SUN1: variants seen among roughly 807,000 people sequenced by gnomAD.
The protein encoded by SUN1 is SUN domain-containing protein 1.
A neutral mutation model predicts 103.2 loss-of-function variants in SUN1; 61 were observed. The ratio of observed to expected loss-of-function variants is 0.59; its 90% confidence interval spans 0.48 to 0.73. The LOEUF is 0.73. Among genes scored for constraint, SUN1 ranks in the 30% least tolerant of loss-of-function variants. SUN1 has a pLI of 0.00. For missense variants in SUN1, 1,052 were observed against 1,034.6 expected (o/e 1.02, Z -0.23); for synonymous variants, 490 against 425.7 (o/e 1.15, Z -1.86).
chr7:843,806 A>G, intron 5 of SUN1: 2 of 1,417,272 alleles, frequency 1.4e-6, no homozygotes, highest in Non-Finnish European at 1.8e-6. Context: ...AACTACAGTC[A>G]CTTTCAGATG....
chr7:851,921 C>G, intron 6 of SUN1, 29 bp from the exon 7 acceptor site: 1 of 1,606,796 alleles, frequency 6.2e-7, no homozygotes. Flanking sequence ...AAAACATTTC[C>G]TTAGAATGTT....
upstream of SUN1, among the ~76,000 whole-genome samples, chr7:831,706 T>A (rs1340828095): frequency 6.6e-6 from 1 of 152,262 alleles, no homozygotes; most frequent in Non-Finnish European, 1.5e-5. Context: ...TAAAGTACTT[T>A]TGGCTTGGTT....
chr7:860,250 G>A lies in SUN1; in HGVS notation c.1647G>A (p.Thr549=), dbSNP rs369056112. The A allele has an allele frequency of 2.9e-5, 47 of 1,614,266 alleles. No individual in the cohort carries two copies. The African/African-American group carries it at 3.9e-4, about 13-fold the overall frequency. ...TTGTGAGCAAAGGCGACTTGCAGAC[G>A]ATGCTGCGAGACCTGCAGCTGCAGA... The part of the protein sequence containing the change: ...SQFVSKGDLQ[T]MLRDLQLQIL... The change falls in exon 14 of 19, where the codon ACG becomes ACA. Residue 549 remains threonine (T), a synonymous_variant. Coordinates refer to ENST00000401592, the MANE Select transcript of SUN1 (RefSeq NM_001130965.3).
chr7:829,080 G>A (rs1027529397), upstream of SUN1, among the ~76,000 whole-genome samples: 4 of 152,374 alleles, frequency 2.6e-5, no homozygotes, highest in South Asian at 6.2e-4. Context: ...GGAGCATCAC[G>A]CCTGCAGACC....
chr7:826,370 G>A (rs937934472), intron 1 of SUN1, among the ~76,000 whole-genome samples: 2 of 152,158 alleles, frequency 1.3e-5, no homozygotes, highest in African/African-American at 2.4e-5. Flanking sequence ...GTGTGTGTGC[G>A]CCTGTGTGCT....
rs542540924 is a variant in SUN1, at chr7:858,555, A to G, written c.1524+598A>G. On this transcript the variant is annotated intron_variant, in intron 13 of 18. Coordinates refer to ENST00000401592, the MANE Select transcript of SUN1 (RefSeq NM_001130965.3). ...GGTGTGCGTGCAGCCCAGGGCCAGCACTGACTTGGGGCTGGGTTGTTGCTG... is the reference window on the plus strand; with the variant it reads ...GGTGTGCGTGCAGCCCAGGGCCAGCGCTGACTTGGGGCTGGGTTGTTGCTG... Among the ~76,000 whole-genome samples the G allele has an allele frequency of 1.2e-4, 18 of 152,326 alleles. No individual in the cohort carries two copies. The South Asian group carries it at 3.3e-3, about 28-fold the overall frequency.
intron 13 of SUN1, among the ~76,000 whole-genome samples, chr7:859,228 C>A (rs896703030): frequency 1.3e-5 from 2 of 151,970 alleles, no homozygotes; most frequent in Admixed American, 1.3e-4. Context: ...ATGGGACTTG[C>A]AGATTACAGC....
At chr7:849,314 G>A (rs1269227173) in intron 5 of SUN1, among the ~76,000 whole-genome samples, 1 of 152,246 alleles carries the variant, frequency 6.6e-6, no homozygotes, top group Non-Finnish European at 1.5e-5. Flanking sequence ...GATTCAGCCA[G>A]AGGGTGGGGG....
upstream of SUN1, among the ~76,000 whole-genome samples, chr7:830,523 T>G (rs1346824541): frequency 6.6e-6 from 1 of 152,172 alleles, no homozygotes; most frequent in East Asian, 1.9e-4. Context: ...TTCACGTGAT[T>G]ATGAAAGTGA....
chr7:833,722 A>C (rs773136636), intron 1 of SUN1, among the ~76,000 whole-genome samples: 1 of 152,222 alleles, frequency 6.6e-6, no homozygotes, highest in Non-Finnish European at 1.5e-5. Context: ...ACATTCGATG[A>C]TCGAGTTTTT....
At chr7:867,344 C>T (rs1837826561) in intron 16 of SUN1, among the ~76,000 whole-genome samples, 1 of 152,278 alleles carries the variant, frequency 6.6e-6, no homozygotes, top group Non-Finnish European at 1.5e-5. Flanking sequence ...GTGCCACCGG[C>T]ACAGTCTGTG....
At chr7:828,353 C>G (rs1408935693), upstream of SUN1, among the ~76,000 whole-genome samples, 2 of 151,776 alleles carry the variant, frequency 1.3e-5, no homozygotes, top group African/African-American at 2.4e-5. Flanking sequence ...CTCACTGCAA[C>G]CTCCATCTCC....
intron 1 of SUN1, among the ~76,000 whole-genome samples, chr7:823,139 C>T (rs1018559550): frequency 2.0e-5 from 3 of 152,240 alleles, no homozygotes; most frequent in Non-Finnish European, 2.9e-5. Flanking sequence ...GCGTGGAGAG[C>T]GCCCCCTTCC....
upstream of SUN1, chr7:816,418 C>T (rs1474811464): frequency 5.5e-6 from 1 of 181,930 alleles, no homozygotes; most frequent in African/African-American, 2.7e-5. Flanking sequence ...CACCCCGTGA[C>T]GCATCCAGGC....
intron 1 of SUN1, among the ~76,000 whole-genome samples, chr7:827,262 TC>T (rs917893310): frequency 3.3e-5 from 5 of 152,034 alleles, no homozygotes; most frequent in African/African-American, 1.2e-4. Context: ...CCTCAAGTGA[TC>T]CTCCTGCCCG....
At chr7:872,215 C>T (rs1842240851) in intron 17 of SUN1, among the ~76,000 whole-genome samples, 1 of 152,134 alleles carries the variant, frequency 6.6e-6, no homozygotes, top group Non-Finnish European at 1.5e-5. Context: ...CCTGTTTTGG[C>T]CTCAGTTTTC....
chr7:852,857 G>A lies in SUN1; in HGVS notation c.958G>A (p.Val320Met), dbSNP rs555876242. 55 of 1,613,978 alleles carry A rather than the reference G, an allele frequency of 3.4e-5. No homozygotes were observed. The highest frequency in any genetic ancestry group is 5.3e-5 in the African/African-American group (4 of 75,032). Reference sequence around the variant, plus strand: ...GGGCAATTTCTTTTCGTTCTTGCCCGTGTTGAACTGGGCAAGCATGCATAG... The same window carrying A: ...GGGCAATTTCTTTTCGTTCTTGCCCATGTTGAACTGGGCAAGCATGCATAG... ...GQGNFFSFLP[V>M]LNWASMHRTQ... Residue 320 changes from valine (V) to methionine (M), a missense_variant, in exon 9 of 19, where the codon GTG (valine) becomes ATG (methionine). By Grantham distance (21) the Val-to-Met change is conservative. Coordinates refer to ENST00000401592, the MANE Select transcript of SUN1 (RefSeq NM_001130965.3).
At chr7:832,893 C>A in intron 1 of SUN1, 1 of 350,598 alleles carries the variant, frequency 2.9e-6, no homozygotes, top group Non-Finnish European at 5.2e-6. Flanking sequence ...TGTGGTGATG[C>A]CTGGTGTTTG....
intron 16 of SUN1, among the ~76,000 whole-genome samples, chr7:866,968 T>C (rs1344664566): frequency 6.6e-6 from 1 of 152,160 alleles, no homozygotes; most frequent in African/African-American, 2.4e-5. Flanking sequence ...CTGCCTCATA[T>C]TCATGACATG....
Sources: allele counts gnomAD v4.1 joint callset (sites outside exome capture counted in the v4.1 genomes callset), GRCh38; gene constraint gnomAD v4.1.1; transcripts MANE v1.5; gene names NCBI Gene and HGNC (gene_info 2026-07-23, HGNC 2026-07-21).